The following TMEM235 variants were observed in gnomAD, a reference collection of about 807,000 sequenced individuals.
TMEM235 encodes claudin-27.
In TMEM235, 23 loss-of-function variants were observed where a neutral mutation model predicts 22.9. The ratio of observed to expected loss-of-function variants is 1.00; its 90% CI spans 0.72 to 1.42. The LOEUF is 1.42. Ranked by LOEUF, TMEM235 falls within the 40% of genes most tolerant of loss-of-function variation. TMEM235 has a pLI of 0.00. For missense variants in TMEM235, 308 were observed against 299.5 expected, an observed-to-expected ratio of 1.03 and a Z score of -0.21; for synonymous variants, 137 against 140.5, an observed-to-expected ratio of 0.98 and a Z score of 0.17.
exon 2 of TMEM235, chr17:78,231,688 G>C: frequency 7.8e-7 from 1 of 1,288,624 alleles, no homozygotes. Flanking sequence ...AGGAGCCGGG[G>C]GTTCAGGGAA....
chr17:78,235,493 G>A (rs887186618), intron 4 of TMEM235, among the ~76,000 whole-genome samples: 2 of 151,582 alleles, frequency 1.3e-5, no homozygotes, highest in South Asian at 2.1e-4. Context: ...CTCCATGCTG[G>A]TGAGGCTGGT....
Position 78,239,290 on chromosome 17 carries a change from T to C in TMEM235, c.659+17T>C, listed in dbSNP as rs2076682697. The C allele has an allele frequency of 6.5e-7, 1 of 1,534,886 alleles. No homozygotes were observed. The highest frequency in any genetic ancestry group is 2.0e-5 in the Admixed American group (1 of 50,834). ...GGGAGGGAGGTAAGAGGGGGCTGGG[T>C]TTCCCTTTGCACCTCCCGGGATTGG... is the stretch of plus-strand genomic sequence containing the variant. On this transcript the variant is annotated intron_variant, in intron 5 of 5. Transcript: ENST00000421688.
chr17:78,240,966 C>T (rs888044084), exon 6 of TMEM235: 2 of 152,266 alleles, frequency 1.3e-5, no homozygotes, highest in African/African-American at 2.4e-5. Flanking sequence ...ATAAACAGTA[C>T]AAACGTGAGC....
At position 78,233,880 on chromosome 17, in the gene TMEM235, G is replaced by T. The variant is rs985461403; in HGVS notation, c.191-15G>T. The T allele has an allele frequency of 2.5e-5, 38 of 1,535,816 alleles. No homozygotes were observed. Among genetic ancestry groups the T allele is most frequent in the Non-Finnish European group, 3.2e-5 (37 of 1,146,798 alleles). ...CAGCGTCCAGGCCCCAGGCTTCGAG[G>T]CCTATGTTTCCCAGGGCAGAACGGC... is the stretch of plus-strand genomic sequence containing the variant. On this transcript the variant is annotated splice_polypyrimidine_tract_variant and intron_variant, in intron 2 of 5. Transcript: ENST00000421688.
intron 3 of TMEM235, 41 bp from the exon 3 acceptor site, chr17:78,234,552 C>T: frequency 6.5e-7 from 1 of 1,534,050 alleles, no homozygotes. Context: ...CTGAAGGGCC[C>T]ACCTGGACCA....
chr17:78,240,151 C>T, exon 6 of TMEM235: 1 of 1,065,850 alleles, frequency 9.4e-7, no homozygotes, highest in Non-Finnish European at 1.2e-6. Context: ...AGGTATGCCA[C>T]TGTGAGTGCC....
intron 4 of TMEM235, 65 bp downstream of exon 3, chr17:78,234,795 G>C (rs909570462): frequency 2.0e-6 from 3 of 1,526,958 alleles, no homozygotes; most frequent in Non-Finnish European, 1.8e-6. Context: ...CCCGGGAGTG[G>C]GGTGCTGCCT....
At chr17:78,239,043 G>T (rs2076677669) in exon 5 of TMEM235, 1 of 1,542,022 alleles carries the variant, frequency 6.5e-7, no homozygotes, top group African/African-American at 1.4e-5. Context: ...CACTGGCGGG[G>T]GTCAGCATCT....
At chr17:78,231,861 G>C (rs1231476342) in exon 2 of TMEM235, 10 of 1,144,438 alleles carry the variant, frequency 8.7e-6, no homozygotes, top group Non-Finnish European at 9.8e-6. Flanking sequence ...GACCCCAGGG[G>C]GCCCGCGAGG....
chr17:78,239,087 C>G (rs1187586476), exon 5 of TMEM235: 3 of 1,544,458 alleles, frequency 1.9e-6, no homozygotes, highest in Admixed American at 3.9e-5. Flanking sequence ...TTTGCGGAGA[C>G]GGTGCAGCAG....
chr17:78,233,948 G>A lies in TMEM235; in HGVS notation c.244G>A (p.Val82Ile), dbSNP rs1423987618. ...CCCTTTTGCCAGTGAGAGCCTGGACGTCTCCACCTCGGTGCAGCACCTCAT... is the reference window on the plus strand; with the variant it reads ...CCCTTTTGCCAGTGAGAGCCTGGACATCTCCACCTCGGTGCAGCACCTCAT... The change falls in exon 3 of 6, where the codon GTC becomes ATC. Residue 82 changes from valine (V) to isoleucine (I), a missense_variant. Transcript: ENST00000421688. 19 of 1,534,086 alleles carry A rather than the reference G, an allele frequency of 1.2e-5. No homozygotes were observed. Among genetic ancestry groups the A allele is most frequent in the Middle Eastern group, 1.7e-4 (1 of 6,010 alleles).
Position 78,239,104 on chromosome 17 carries a change from C to CCGCA in TMEM235, c.491_494dup (p.Gln165HisfsTer122). 6.5e-7 allele frequency: 1 copy of CCGCA among 1,544,172 alleles called. No individual in the cohort carries two copies. Among genetic ancestry groups the CCGCA allele is most frequent in the Non-Finnish European group, 8.7e-7 (1 of 1,146,946 alleles). ...TGCGGAGACGGTGCAGCAGTATGGC[C>CCGCA]CGCAGCACATGCAGGGCGTCCGCGT... On this transcript the variant is annotated frameshift_variant, in exon 5 of 6. Transcript: ENST00000421688. LOFTEE classifies it high-confidence loss of function.
chr17:78,236,561 C>T (rs1273964982), intron 4 of TMEM235, among the ~76,000 whole-genome samples: 1 of 152,250 alleles, frequency 6.6e-6, no homozygotes, highest in Non-Finnish European at 1.5e-5. Context: ...GGCTCCCCTT[C>T]ACCCCCACTG....
chr17:78,231,441 C>G, exon 2 of TMEM235: 1 of 1,299,116 alleles, frequency 7.7e-7, no homozygotes. Flanking sequence ...GCCCCCCGCC[C>G]GGCTGTGGGG....
At chr17:78,239,090 T>G in exon 5 of TMEM235, 1 of 1,544,264 alleles carries the variant, frequency 6.5e-7, no homozygotes, top group South Asian at 1.2e-5. Flanking sequence ...GCGGAGACGG[T>G]GCAGCAGTAT....
rs1348219428 is a variant in TMEM235 at position 78,231,636 on chromosome 17, C to A, written c.-388C>A. 2 of 1,301,784 alleles carry A rather than the reference C, an allele frequency of 1.5e-6. No homozygotes were observed. The highest frequency in any genetic ancestry group is 3.0e-5 in the African/African-American group (2 of 65,702). 80.6% of individuals were successfully genotyped at this position (1,301,784 alleles called of 1,614,324 possible). On this transcript the variant is annotated 5_prime_UTR_variant, in exon 2 of 6. The change creates a new upstream start codon in the 5' untranslated region. Transcript: ENST00000421688. ...CGATCCTCCCTCCTCCTCTCAAGCCCTGCACAGCCCGGCCAGGCAGGTGCA... is the reference window on the plus strand; with the variant it reads ...CGATCCTCCCTCCTCCTCTCAAGCCATGCACAGCCCGGCCAGGCAGGTGCA...
intron 3 of TMEM235, 78 bp downstream of exon 2, chr17:78,234,053 T>G: frequency 1.6e-6 from 2 of 1,287,256 alleles, no homozygotes; most frequent in Non-Finnish European, 2.1e-6. Context: ...CCCATCCCCA[T>G]CCCGCAGCAC....
exon 4 of TMEM235, chr17:78,234,709 G>A (rs1385933356): frequency 7.8e-6 from 12 of 1,535,862 alleles, no homozygotes; most frequent in South Asian, 2.4e-5. Context: ...GCTTTTCACC[G>A]GCTGCTACTT....
exon 6 of TMEM235, chr17:78,240,574 T>G (rs1406929316): frequency 2.0e-5 from 3 of 153,514 alleles, no homozygotes; most frequent in African/African-American, 7.2e-5. Context: ...GTACAACACG[T>G]GGAAGCACTA....
Sources: gnomAD v4.1 joint callset for allele counts (sites outside exome capture counted in the v4.1 genomes callset) on GRCh38, gnomAD v4.1.1 for gene constraint, MANE v1.5 for transcripts, NCBI Gene and HGNC (gene_info 2026-07-23, HGNC 2026-07-21) for gene names.